Variants in NSMCE2 observed in about 807,000 individuals in gnomAD.
The protein encoded by NSMCE2 is NSE2 SUMO ligase component of SMC5/6 complex.
NSMCE2 carries 24 observed loss-of-function variants against 23.8 expected under a neutral mutation model. The ratio of observed to expected loss-of-function variants is 1.01; its 90% CI spans 0.73 to 1.42. The LOEUF (loss-of-function observed/expected upper bound fraction) is 1.42. Ranked by LOEUF, NSMCE2 falls within the 40% of genes most tolerant of loss-of-function variation. The pLI, the probability that NSMCE2 is intolerant of heterozygous loss-of-function variation, is 0.00. For missense variants in NSMCE2, 284 were observed against 296.5 expected, an observed-to-expected ratio of 0.96 and a Z score of 0.31; for synonymous variants, 92 against 94.1, an observed-to-expected ratio of 0.98 and a Z score of 0.13.
chr8:125,196,849 C>T (rs150225277), intron 5 of NSMCE2, among the ~76,000 whole-genome samples: 10,687 of 152,234 alleles, frequency 0.07, 492 homozygotes, highest in Non-Finnish European at 0.095. Context: ...TTCTCCACAT[C>T]CTCTCCAGCA....
chr8:125,328,920 CT>C (rs1191032537), intron 5 of NSMCE2, among the ~76,000 whole-genome samples: 1 of 152,158 alleles, frequency 6.6e-6, no homozygotes, highest in South Asian at 2.1e-4. Context: ...GAAGTCAGAA[CT>C]CCTGGCCCCC....
chr8:125,366,730 G>A (rs774090718), intron 7 of NSMCE2, 38 bp from the exon 8 acceptor site: 2 of 1,213,370 alleles, frequency 1.6e-6, no homozygotes, highest in Non-Finnish European at 2.4e-6. Flanking sequence ...GCTTAAGGCA[G>A]TAAAGGGGAC....
At chr8:125,305,669 G>C (rs1014936919) in intron 5 of NSMCE2, among the ~76,000 whole-genome samples, 1 of 152,162 alleles carries the variant, frequency 6.6e-6, no homozygotes, top group Admixed American at 6.5e-5. Flanking sequence ...AGGCTAGAAG[G>C]GGGATGCCAA....
intron 3 of NSMCE2, among the ~76,000 whole-genome samples, chr8:125,146,906 A>G (rs1345185807): frequency 6.6e-6 from 1 of 152,042 alleles, no homozygotes; most frequent in Non-Finnish European, 1.5e-5. Flanking sequence ...AAAAAACAAA[A>G]CAAAAAAAAA....
intron 5 of NSMCE2, among the ~76,000 whole-genome samples, chr8:125,194,941 C>A (rs903062377): frequency 1.8e-4 from 28 of 151,984 alleles, no homozygotes; most frequent in African/African-American, 6.3e-4. Context: ...TACATTTATT[C>A]TTTAATTCAT....
chr8:125,233,037 ATCT>A (rs1825394528), intron 5 of NSMCE2, among the ~76,000 whole-genome samples: 1 of 152,246 alleles, frequency 6.6e-6, no homozygotes, highest in Non-Finnish European at 1.5e-5. Flanking sequence ...CGGCTCTGTC[ATCT>A]TCTACAGGGA....
intron 5 of NSMCE2, among the ~76,000 whole-genome samples, chr8:125,350,724 AG>A (rs1453639450): frequency 6.6e-6 from 1 of 152,236 alleles, no homozygotes; most frequent in East Asian, 1.9e-4. Flanking sequence ...TCACAAGAAC[AG>A]CATGGGAAAG....
At chr8:125,171,552 T>G (rs1378438367) in intron 4 of NSMCE2, among the ~76,000 whole-genome samples, 1 of 152,204 alleles carries the variant, frequency 6.6e-6, no homozygotes, top group Non-Finnish European at 1.5e-5. Context: ...ATAAACAGTA[T>G]GAAGTGCTTA....
intron 5 of NSMCE2, among the ~76,000 whole-genome samples, chr8:125,203,419 A>T (rs1823973941): frequency 6.6e-6 from 1 of 152,218 alleles, no homozygotes; most frequent in Admixed American, 6.5e-5. Context: ...AATAAGCCAC[A>T]TGGCTCCACA....
chr8:125,107,262 C>T (rs1013972098), intron 3 of NSMCE2, among the ~76,000 whole-genome samples: 1 of 145,694 alleles, frequency 6.9e-6, no homozygotes, highest in South Asian at 2.2e-4. Flanking sequence ...TCTTGGCTCA[C>T]TGCAACCTCC....
At chr8:125,186,963 A>C (rs985904877) in intron 5 of NSMCE2, among the ~76,000 whole-genome samples, 14 of 152,218 alleles carry the variant, frequency 9.2e-5, no homozygotes, top group African/African-American at 3.4e-4. Context: ...TCTTTGAACA[A>C]AGAATTTTAT....
At chr8:125,109,069 T>G (rs749607165) in intron 3 of NSMCE2, among the ~76,000 whole-genome samples, 11 of 152,122 alleles carry the variant, frequency 7.2e-5, no homozygotes, top group African/African-American at 2.4e-4. Context: ...AAAAAGAAAA[T>G]AACTTTGACT....
chr8:125,216,529 C>T lies in NSMCE2; in HGVS notation c.418+34273C>T, dbSNP rs532084141. 1.1e-4 allele frequency among the ~76,000 whole-genome samples: 17 copies of T among 151,902 alleles called. No individual in the cohort carries two copies. In the East Asian group the frequency reaches 1.7e-3, roughly 16 times the overall value. ...TGGCACATGCCTGTAATCCCAGCTACGTACTGAGGCAGGAGAATTGCTTGA... is the reference window on the plus strand; with the variant it reads ...TGGCACATGCCTGTAATCCCAGCTATGTACTGAGGCAGGAGAATTGCTTGA... On this transcript the variant is annotated intron_variant, in intron 5 of 7. Coordinates refer to ENST00000287437, the MANE Select transcript of NSMCE2 (RefSeq NM_173685.4).
intron 5 of NSMCE2, among the ~76,000 whole-genome samples, chr8:125,336,598 G>A (rs538580089): frequency 6.6e-6 from 1 of 152,364 alleles, no homozygotes; most frequent in Non-Finnish European, 1.5e-5. Flanking sequence ...CTGCTGCAGA[G>A]TAGAAATGGG....
intron 5 of NSMCE2, among the ~76,000 whole-genome samples, chr8:125,215,568 G>C (rs1824544948): frequency 6.6e-6 from 1 of 152,070 alleles, no homozygotes; most frequent in Non-Finnish European, 1.5e-5. Flanking sequence ...GTAATGGGAT[G>C]GCTGGGTCAA....
intron 7 of NSMCE2, among the ~76,000 whole-genome samples, chr8:125,363,606 G>C (rs1296277176): frequency 1.5e-5 from 2 of 134,592 alleles, no homozygotes; most frequent in Non-Finnish European, 3.2e-5. Context: ...GGAGAAAGGA[G>C]GAGGGGGAGG....
intron 4 of NSMCE2, among the ~76,000 whole-genome samples, chr8:125,178,522 A>G (rs1384426031): frequency 6.6e-6 from 1 of 152,210 alleles, no homozygotes; most frequent in Non-Finnish European, 1.5e-5. Flanking sequence ...TTGAAGTCCT[A>G]ACCCCTAGTA....
At chr8:125,160,227 A>T (rs752855342) in intron 4 of NSMCE2, among the ~76,000 whole-genome samples, 11 of 152,158 alleles carry the variant, frequency 7.2e-5, no homozygotes, top group Non-Finnish European at 1.5e-4. Context: ...TTCATTAAGG[A>T]TGAAAGTGAT....
At chr8:125,260,587 T>G (rs191847285) in intron 5 of NSMCE2, among the ~76,000 whole-genome samples, 2 of 150,132 alleles carry the variant, frequency 1.3e-5, no homozygotes, top group Non-Finnish European at 3.0e-5. Flanking sequence ...GGTGGCCGTC[T>G]TCTTTGTGGT....
Sources: allele counts gnomAD v4.1 joint callset (sites outside exome capture counted in the v4.1 genomes callset), GRCh38; gene constraint gnomAD v4.1.1; transcripts MANE v1.5; gene names NCBI Gene and HGNC (gene_info 2026-07-23, HGNC 2026-07-21).